The following CCDC192 variants were observed in gnomAD, a reference collection of about 807,000 sequenced individuals.
CCDC192 encodes coiled-coil domain-containing protein 192.
intron 6 of CCDC192, among the ~76,000 whole-genome samples, chr5:127,899,607 A>C (rs1427150405): frequency 6.6e-6 from 1 of 151,946 alleles, no homozygotes; most frequent in Non-Finnish European, 1.5e-5. Context: ...AAAAGATCTT[A>C]AACAGCTGTC....
intron 3 of CCDC192, among the ~76,000 whole-genome samples, chr5:127,774,156 T>C (rs942648795): frequency 6.6e-6 from 1 of 152,208 alleles, no homozygotes; most frequent in African/African-American, 2.4e-5. Context: ...ATATTCTGCA[T>C]ACTAAACCTT....
At chr5:127,756,710 G>A (rs1353649078) in intron 3 of CCDC192, among the ~76,000 whole-genome samples, 2 of 152,220 alleles carry the variant, frequency 1.3e-5, no homozygotes, top group Non-Finnish European at 2.9e-5. Context: ...AGGGCAGATT[G>A]GACCCCAGGC....
rs1015235002 is a variant in CCDC192 at position 127,749,596 on chromosome 5, C to T, written c.115-4672C>T. Among the ~76,000 whole-genome samples, 95 of 150,652 alleles carry T rather than the reference C, an allele frequency of 6.3e-4. 1 individual carries two copies. The highest frequency in any genetic ancestry group is 3.1e-3 in the South Asian group (15 of 4,792). On this transcript the variant is annotated intron_variant, in intron 2 of 6. Transcript: ENST00000514853. ...TCTCTTTTTTGGTTGTGTCTCTGCCCGGCTTTGGTATCAGAATGATGCTGG... is the reference window on the plus strand; with the variant it reads ...TCTCTTTTTTGGTTGTGTCTCTGCCTGGCTTTGGTATCAGAATGATGCTGG...
intron 6 of CCDC192, among the ~76,000 whole-genome samples, chr5:127,911,263 C>T (rs1753337951): frequency 6.6e-6 from 1 of 152,166 alleles, no homozygotes; most frequent in South Asian, 2.1e-4. Context: ...AACACAGTGT[C>T]TCTAACCCCA....
At chr5:127,762,412 C>T (rs1754980092) in intron 3 of CCDC192, among the ~76,000 whole-genome samples, 1 of 152,190 alleles carries the variant, frequency 6.6e-6, no homozygotes. Flanking sequence ...AATCCAACAA[C>T]TTCTCATTTA....
chr5:127,858,594 A>G (rs245186), intron 5 of CCDC192, among the ~76,000 whole-genome samples: 106,882 of 152,096 alleles, frequency 0.7, 37,726 homozygotes, highest in African/African-American at 0.78. Flanking sequence ...CCATAAAGCC[A>G]GAGACTATGA....
At chr5:127,765,335 A>G (rs1486701060) in intron 3 of CCDC192, among the ~76,000 whole-genome samples, 1 of 152,174 alleles carries the variant, frequency 6.6e-6, no homozygotes, top group East Asian at 1.9e-4. Flanking sequence ...GTAAAACAAT[A>G]CCACTTTTTT....
chr5:127,937,925 G>A (rs1381620439), intron 6 of CCDC192, among the ~76,000 whole-genome samples: 1 of 152,174 alleles, frequency 6.6e-6, no homozygotes, highest in Non-Finnish European at 1.5e-5. Context: ...AAAAACTGAG[G>A]AGAGAAAAGA....
intron 5 of CCDC192, among the ~76,000 whole-genome samples, chr5:127,874,275 G>A (rs1234233431): frequency 6.6e-6 from 1 of 152,060 alleles, no homozygotes; most frequent in Non-Finnish European, 1.5e-5. Flanking sequence ...ATTCTCCTTC[G>A]AGTAACACAT....
intron 5 of CCDC192, among the ~76,000 whole-genome samples, chr5:127,868,075 C>T (rs974102637): frequency 6.7e-5 from 10 of 148,604 alleles, no homozygotes; most frequent in South Asian, 2.1e-4. Context: ...ACTTCCTGGA[C>T]GTTTCTCCCT....
chr5:127,893,234 C>T (rs776778459), intron 6 of CCDC192, among the ~76,000 whole-genome samples: 9 of 152,184 alleles, frequency 5.9e-5, no homozygotes, highest in Non-Finnish European at 1.5e-5. Context: ...GGATTTGGAA[C>T]TACACAGAAT....
chr5:127,859,336 T>C (rs936498498), intron 5 of CCDC192, among the ~76,000 whole-genome samples: 5 of 152,332 alleles, frequency 3.3e-5, no homozygotes, highest in South Asian at 2.1e-4. Context: ...CTAATGTCTC[T>C]ATGGTCAGAC....
chr5:127,788,103 A>AAG (rs1554075165), intron 3 of CCDC192, among the ~76,000 whole-genome samples: 54 of 148,964 alleles, frequency 3.6e-4, no homozygotes, highest in Non-Finnish European at 4.6e-4. Context: ...AAAAAAAAAA[A>AAG]GGGGGGGACT....
intron 5 of CCDC192, among the ~76,000 whole-genome samples, chr5:127,806,630 G>C (rs1254754440): frequency 3.4e-5 from 2 of 58,502 alleles, no homozygotes; most frequent in African/African-American, 1.4e-4. Context: ...TTCAAATACA[G>C]ATCAGTTACA....
chr5:127,885,392 C>T (rs1752526704), intron 6 of CCDC192, among the ~76,000 whole-genome samples: 1 of 152,174 alleles, frequency 6.6e-6, no homozygotes, highest in South Asian at 2.1e-4. Flanking sequence ...AGCAGATGGA[C>T]ATCAATTTGT....
At chr5:127,816,824 G>A (rs1749047083) in intron 5 of CCDC192, among the ~76,000 whole-genome samples, 1 of 152,296 alleles carries the variant, frequency 6.6e-6, no homozygotes, top group Non-Finnish European at 1.5e-5. Flanking sequence ...TTCAAAGATG[G>A]TTGGCAGGCA....
At chr5:127,859,013 C>G (rs917825311) in intron 5 of CCDC192, among the ~76,000 whole-genome samples, 1 of 152,144 alleles carries the variant, frequency 6.6e-6, no homozygotes, top group Non-Finnish European at 1.5e-5. Context: ...TGAAGCTCTA[C>G]CTGGAACATT....
At chr5:127,869,101 T>C (rs919676919) in intron 5 of CCDC192, among the ~76,000 whole-genome samples, 11 of 152,144 alleles carry the variant, frequency 7.2e-5, no homozygotes, top group Non-Finnish European at 1.0e-4. Flanking sequence ...GGCAGGTGGA[T>C]CATCTGAGGT....
chr5:127,850,910 G>A (rs1433400658), intron 5 of CCDC192, among the ~76,000 whole-genome samples: 1 of 152,174 alleles, frequency 6.6e-6, no homozygotes, highest in Non-Finnish European at 1.5e-5. Context: ...AGGTTGCGGT[G>A]AGCTGAGGCC....
Sources: gnomAD v4.1 joint callset for allele counts (sites outside exome capture counted in the v4.1 genomes callset) on GRCh38, gnomAD v4.1.1 for gene constraint, MANE v1.5 for transcripts, NCBI Gene and HGNC (gene_info 2026-07-23, HGNC 2026-07-21) for gene names.